Variants in METRNL observed in about 807,000 individuals in gnomAD.
The protein encoded by METRNL is meteorin like, glial cell differentiation regulator, also known as meteorin-like protein.
METRNL carries 9 observed loss-of-function variants against 17.4 expected under a neutral mutation model. The ratio of observed to expected loss-of-function variants is 0.52; its 90% CI spans 0.31 to 0.90. The LOEUF is 0.90. METRNL is among the 40% of genes least tolerant of loss of function. METRNL has a pLI of 0.05. For synonymous variants in METRNL, 215 were observed against 199.3 expected (o/e 1.08, Z -0.66); for missense variants, 408 against 430.7 (o/e 0.95, Z 0.47).
Position 83,080,023 on chromosome 17 carries a change from C to T in METRNL, c.170+38C>T, listed in dbSNP as rs1478663076. ...GGCGCGACCCCGGCCCGGCCCCCTC[C>T]CCTCGCGTCCCCTCCCGTCCCGGGC... On this transcript the variant is annotated intron_variant, in intron 1 of 3. Coordinates refer to ENST00000320095, the MANE Select transcript of METRNL (RefSeq NM_001004431.3). The T allele has an allele frequency of 4.8e-5, 48 of 1,002,592 alleles. 1 individual carries two copies. In the African/African-American group the frequency reaches 7.2e-4, roughly 15 times the overall value. The allele number at this position is 1,002,592 out of a possible 1,614,324, so 62.1% of individuals were successfully genotyped here.
chr17:83,081,155 C>G (rs1302281681), intron 1 of METRNL, among the ~76,000 whole-genome samples: 2 of 151,814 alleles, frequency 1.3e-5, no homozygotes, highest in Admixed American at 1.3e-4. Flanking sequence ...CCTTCTCGGC[C>G]GAGCGGGGCC....
intron 2 of METRNL, among the ~76,000 whole-genome samples, chr17:83,087,988 G>T (rs562247779): frequency 6.6e-6 from 1 of 152,194 alleles, no homozygotes; most frequent in Non-Finnish European, 1.5e-5. Flanking sequence ...TGGTGTGATC[G>T]TGGTGCGTTC....
At chr17:83,080,157 A>C in intron 1 of METRNL, 172 bp downstream of exon 1, 1 of 207,362 alleles carries the variant, frequency 4.8e-6, no homozygotes, top group Non-Finnish European at 8.5e-6. Context: ...CGGTTCTAGA[A>C]CAAAAGAGCC....
At position 83,079,883 on chromosome 17, in the gene METRNL, GCCCGCC is replaced by G. The variant is rs2037961481; in HGVS notation, c.75_80del (p.Pro27_Pro28del). On this transcript the variant is annotated inframe_deletion, in exon 1 of 4. Transcript: ENST00000320095. ...CCGTGGCCGCGACCCCCCGCCCCGG[GCCCGCC>G]CCCGCCGCCGCTCCCGCTGCTGCTC... 3.1e-6 allele frequency: 3 copies of G among 978,480 alleles called. No homozygotes were observed. The South Asian group carries it at 1.4e-4, about 45-fold the overall frequency. 60.6% of individuals were successfully genotyped at this position (978,480 alleles called of 1,614,324 possible).
At chr17:83,088,223 A>G (rs1600489013) in intron 2 of METRNL, among the ~76,000 whole-genome samples, 1 of 152,062 alleles carries the variant, frequency 6.6e-6, no homozygotes, top group African/African-American at 2.4e-5. Context: ...TGCTGAGGAA[A>G]CCCCGCAGGA....
Position 83,079,838 on chromosome 17 carries a change from C to T in METRNL, c.23C>T (p.Ala8Val). The T allele has an allele frequency of 1.0e-6, 1 of 973,072 alleles. No individual in the cohort carries two copies. Among genetic ancestry groups the T allele is most frequent in the South Asian group, 4.6e-5 (1 of 21,540 alleles). The allele number at this position is 973,072 out of a possible 1,614,324, so 60.3% of individuals were successfully genotyped here. Residue 8 changes from alanine to valine, a missense_variant, in exon 1 of 4, where the codon GCC (alanine) becomes GTC (valine). By Grantham distance (64) the Ala-to-Val change is moderately conservative (BLOSUM62 0). Transcript: ENST00000320095. MRGAARA[A>V]WGRAGQPWPR... ...AGCATGCGGGGCGCGGCGCGGGCGG[C>T]CTGGGGGCGCGCGGGGCAGCCGTGG...
chr17:83,089,146 C>T (rs546547586), intron 2 of METRNL, among the ~76,000 whole-genome samples: 49 of 152,222 alleles, frequency 3.2e-4, no homozygotes, highest in Non-Finnish European at 4.6e-4. Flanking sequence ...CGCAGCGCGA[C>T]GGTGATGATG....
chr17:83,085,174 G>A lies in METRNL; in HGVS notation c.407G>A (p.Gly136Asp). ...AGACTGCTGGTACCAGACGGGGACG[G>A]CAGGCCCGGCCGGGTGCAGTGTTTT... ...ELRLLVPDGDGRPGRVQCFGL... is the reference protein window; with the variant it reads ...ELRLLVPDGDDRPGRVQCFGL... Residue 136 changes from glycine (G) to aspartate (D), a missense_variant, in exon 2 of 4, where the codon GGC becomes GAC. Physicochemically the swap from Gly to Asp is moderately conservative, Grantham distance 94 (BLOSUM62 -1). Transcript: ENST00000320095. The A allele has an allele frequency of 6.2e-7, 1 of 1,612,024 alleles. No individual in the cohort carries two copies. The highest frequency in any genetic ancestry group is 1.7e-5 in the Admixed American group (1 of 59,944).
intron 1 of METRNL, among the ~76,000 whole-genome samples, chr17:83,081,576 C>T (rs1335414317): frequency 1.3e-5 from 2 of 152,144 alleles, no homozygotes; most frequent in Admixed American, 6.5e-5. Flanking sequence ...GTGCTTTGCC[C>T]TCCAGGACCT....
intron 1 of METRNL, 163 bp from the exon 2 acceptor site, chr17:83,084,775 T>TGCCTCACGGGCAGGGGTCCGTGTG: frequency 6.1e-6 from 5 of 815,852 alleles, no homozygotes; most frequent in Non-Finnish European, 9.3e-6. Flanking sequence ...GGCGCCGGCC[T>TGCCTCACGGGCAGGGGTCCGTGTG]GCCTCACGGG....
intron 2 of METRNL, among the ~76,000 whole-genome samples, chr17:83,088,987 C>T (rs2038084244): frequency 6.6e-6 from 1 of 152,146 alleles, no homozygotes; most frequent in Admixed American, 6.5e-5. Flanking sequence ...TTTTAACCAT[C>T]TCTGGGCTTG....
At chr17:83,086,304 C>CGT (rs1200427229) in intron 2 of METRNL, among the ~76,000 whole-genome samples, 1 of 152,200 alleles carries the variant, frequency 6.6e-6, no homozygotes, top group Non-Finnish European at 1.5e-5. Context: ...AGTGTAGGAC[C>CGT]GTCTGCCTGG....
chr17:83,085,109 C>G lies in METRNL; in HGVS notation c.342C>G (p.Ser114=). The G allele has an allele frequency of 6.2e-7, 1 of 1,613,824 alleles. No individual in the cohort carries two copies. The highest frequency in any genetic ancestry group is 8.5e-7 in the Non-Finnish European group (1 of 1,180,022). Residue 114 remains serine, a synonymous_variant, in exon 2 of 4, where the codon TCC becomes TCG. Transcript: ENST00000320095. ...LTVCIRSFTD[S]SGANIYLEKT... ...TGTGCATCAGGTCCTTCACGGACTC[C>G]TCGGGGGCCAATATTTATTTGGAAA...
chr17:83,080,760 C>G (rs2037975989), intron 1 of METRNL, among the ~76,000 whole-genome samples: 1 of 150,826 alleles, frequency 6.6e-6, no homozygotes, highest in Non-Finnish European at 1.5e-5. Context: ...GTCGCCAGTT[C>G]CGGGGTTCGC....
Position 83,080,573 on chromosome 17 carries a change from C to CCG in METRNL, c.170+589_170+590insGC, listed in dbSNP as rs1555728868. Among the ~76,000 whole-genome samples the CCG allele has an allele frequency of 4.6e-4, 61 of 132,736 alleles. 8 individuals carry two copies. The highest frequency in any genetic ancestry group is 4.0e-3 in the Middle Eastern group (1 of 248). 87.1% of individuals were successfully genotyped at this position (132,736 alleles called of 152,430 possible). A position where few individuals can be genotyped will look rare whatever the true frequency, so the allele number is the denominator to read the frequency against. ...GCGCGCTGCGCTGGGCGACCCCCCC[C>CCG]CCCCCCACCCGCGGTGGCGGCCGAG... On this transcript the variant is annotated intron_variant, in intron 1 of 3. Transcript: ENST00000320095.
intron 2 of METRNL, among the ~76,000 whole-genome samples, chr17:83,088,186 G>A (rs757417036): frequency 3.3e-5 from 5 of 152,224 alleles, no homozygotes; most frequent in Non-Finnish European, 7.3e-5. Flanking sequence ...AGCCGCCTCT[G>A]CAGGCGACAC....
intron 2 of METRNL, among the ~76,000 whole-genome samples, chr17:83,091,642 C>T (rs1020869773): frequency 9.8e-5 from 15 of 152,366 alleles, no homozygotes; most frequent in African/African-American, 3.4e-4. Context: ...AGGCAGGTGA[C>T]AGCTCAGCTC....
intron 2 of METRNL, among the ~76,000 whole-genome samples, chr17:83,087,093 G>T (rs2038061279): frequency 6.6e-6 from 1 of 152,126 alleles, no homozygotes. Flanking sequence ...ATTCGGCGGT[G>T]GGTCCTCGCT....
In METRNL at chr17:83,087,878, G is replaced by C. The variant is rs1291007698; in HGVS notation, c.556+2555G>C. ...AGTTCCAGTTTGTGCTGACTCAGGA[G>C]GACAGAGGCTCCGTGGGCTGGAACC... On this transcript the variant is annotated intron_variant, in intron 2 of 3. Coordinates refer to ENST00000320095, the MANE Select transcript of METRNL (RefSeq NM_001004431.3). Among the ~76,000 whole-genome samples the C allele has an allele frequency of 3.3e-5, 5 of 152,040 alleles. No homozygotes were observed. In the East Asian group the frequency reaches 9.6e-4, roughly 29 times the overall value.
Sources: allele counts gnomAD v4.1 joint callset (sites outside exome capture counted in the v4.1 genomes callset), GRCh38; gene constraint gnomAD v4.1.1; transcripts MANE v1.5; gene names NCBI Gene and HGNC (gene_info 2026-07-23, HGNC 2026-07-21).